Variants in PSMG4 observed in about 807,000 individuals in gnomAD.
PSMG4 encodes the protein proteasome assembly chaperone 4, also known as proteasome (prosome, macropain) assembly chaperone 4.
In PSMG4, 10 loss-of-function variants were observed where a neutral mutation model predicts 11.0. That is an observed-to-expected ratio of 0.91 (90% confidence interval 0.56 to 1.54). The LOEUF (loss-of-function observed/expected upper bound fraction) is 1.54, where lower values mean the gene tolerates loss of function less well. Ranked by LOEUF, PSMG4 falls within the 40% of genes most tolerant of loss-of-function variation. The probability of loss-of-function intolerance (pLI) is 0.00; values close to 1 mark genes in which losing one functional copy is unlikely to be tolerated. For missense variants in PSMG4, 198 were observed against 160.9 expected, an observed-to-expected ratio of 1.23 and a Z score of -1.25; for synonymous variants, 95 against 71.3, an observed-to-expected ratio of 1.33 and a Z score of -1.68.
rs534582379 is a variant in PSMG4, at chr6:3,267,558, G to A, written c.251-33G>A. ...GAACACGGGGCCTGCAGTATTTCAGGAGTGGCTGTATCAATGTGTTTTCTC... is the reference window on the plus strand; with the variant it reads ...GAACACGGGGCCTGCAGTATTTCAGAAGTGGCTGTATCAATGTGTTTTCTC... On this transcript the variant is annotated intron_variant, in intron 2 of 2. Coordinates refer to ENST00000438998, the MANE Select transcript of PSMG4 (RefSeq NM_001128591.2). 1.5e-5 allele frequency: 23 copies of A among 1,548,368 alleles called. No individual in the cohort carries two copies. The African/African-American group carries it at 1.9e-4, about 13-fold the overall frequency.
upstream of PSMG4, among the ~76,000 whole-genome samples, chr6:3,256,553 G>A (rs948520481): frequency 6.6e-6 from 1 of 152,200 alleles, no homozygotes; most frequent in Non-Finnish European, 1.5e-5. Flanking sequence ...TGGTGGTGCC[G>A]GGGACCTGGT....
intron 1 of PSMG4, among the ~76,000 whole-genome samples, chr6:3,261,075 C>T (rs983812178): frequency 2.0e-5 from 3 of 152,200 alleles, no homozygotes; most frequent in Admixed American, 6.5e-5. Flanking sequence ...GTGAGGCCCC[C>T]TCAGCGAGAC....
upstream of PSMG4, among the ~76,000 whole-genome samples, chr6:3,254,587 T>C (rs563355752): frequency 1.3e-5 from 2 of 152,300 alleles, 1 homozygote; most frequent in South Asian, 4.1e-4. Flanking sequence ...AACCCAACGA[T>C]GGAAGTAAAT....
upstream of PSMG4, among the ~76,000 whole-genome samples, chr6:3,254,727 A>G (rs966624496): frequency 1.1e-4 from 16 of 152,090 alleles, no homozygotes; most frequent in Non-Finnish European, 1.5e-5. Context: ...ACCAGAAAAA[A>G]CAAACTCCCC....
At chr6:3,256,338 C>T (rs1243632382), upstream of PSMG4, among the ~76,000 whole-genome samples, 1 of 152,224 alleles carries the variant, frequency 6.6e-6, no homozygotes, top group Non-Finnish European at 1.5e-5. Context: ...GGTCCACAGA[C>T]CCAGTGGACC....
upstream of PSMG4, among the ~76,000 whole-genome samples, chr6:3,254,740 G>C (rs558837488): frequency 6.6e-6 from 1 of 152,164 alleles, no homozygotes; most frequent in African/African-American, 2.4e-5. Flanking sequence ...AACTCCCCCT[G>C]TGCCTCTTTT....
At chr6:3,262,739 C>T (rs1167267992) in intron 1 of PSMG4, among the ~76,000 whole-genome samples, 1 of 151,922 alleles carries the variant, frequency 6.6e-6, no homozygotes, top group Non-Finnish European at 1.5e-5. Flanking sequence ...GGCTGCTTCT[C>T]CTAGAAATCT....
At position 3,259,311 on chromosome 6, in the gene PSMG4, C is replaced by T. The variant is rs934959499; in HGVS notation, c.174+115C>T. 19 of 962,392 alleles carry T rather than the reference C, an allele frequency of 2.0e-5. No homozygotes were observed. The African/African-American group carries it at 2.0e-4, about 10-fold the overall frequency. 59.6% of individuals were successfully genotyped at this position (962,392 alleles called of 1,614,324 possible). ...TGGGTCCACAGGGCGCCCTACTCCC[C>T]CGAAGCCCACCCGTGGGATGTCTTA... On this transcript the variant is annotated intron_variant, in intron 1 of 2. Coordinates refer to ENST00000438998, the MANE Select transcript of PSMG4 (RefSeq NM_001128591.2).
At chr6:3,257,020 A>G (rs1757789989), upstream of PSMG4, among the ~76,000 whole-genome samples, 1 of 152,220 alleles carries the variant, frequency 6.6e-6, no homozygotes, top group Non-Finnish European at 1.5e-5. Context: ...CTTCTGTACA[A>G]GGAGGGACAT....
chr6:3,259,931 C>G (rs370097399), intron 1 of PSMG4, among the ~76,000 whole-genome samples: 3 of 152,286 alleles, frequency 2.0e-5, no homozygotes, highest in African/African-American at 7.2e-5. Flanking sequence ...TGGCTTAAAA[C>G]AACAGAGGTT....
upstream of PSMG4, among the ~76,000 whole-genome samples, chr6:3,254,668 T>C (rs1251667706): frequency 2.0e-5 from 3 of 152,166 alleles, no homozygotes; most frequent in Non-Finnish European, 4.4e-5. Flanking sequence ...TCCTTCAAGC[T>C]GCGAAACCAC....
chr6:3,260,780 C>T (rs1757961692), intron 1 of PSMG4, among the ~76,000 whole-genome samples: 1 of 152,188 alleles, frequency 6.6e-6, no homozygotes, highest in Non-Finnish European at 1.5e-5. Flanking sequence ...ACCAGGGCAA[C>T]AGAATGATAG....
At chr6:3,265,918 C>G (rs1297215351) in intron 2 of PSMG4, 3 of 42,040 alleles carry the variant, frequency 7.1e-5, no homozygotes, top group Non-Finnish European at 1.1e-4. Context: ...CGGACACATT[C>G]CTTTTTTTTT....
At chr6:3,263,487 G>A (rs183294659) in intron 1 of PSMG4, among the ~76,000 whole-genome samples, 197 bp from the exon 2 acceptor site, 4 of 152,310 alleles carry the variant, frequency 2.6e-5, no homozygotes, top group Admixed American at 1.3e-4. Flanking sequence ...TCCCAACTCC[G>A]CTGACCTCAT....
upstream of PSMG4, chr6:3,255,090 T>G (rs562251038): frequency 1.3e-6 from 2 of 1,550,732 alleles, no homozygotes; most frequent in African/African-American, 2.7e-5. Flanking sequence ...TCCTAAGAAG[T>G]TGGCTGCATA....
upstream of PSMG4, among the ~76,000 whole-genome samples, chr6:3,256,881 T>A (rs1199672540): frequency 6.6e-6 from 1 of 152,024 alleles, no homozygotes; most frequent in Non-Finnish European, 1.5e-5. Flanking sequence ...TTTGTAGCAG[T>A]TGGGACAAGT....
Position 3,259,208 on chromosome 6 carries a change from G to GA in PSMG4, c.174+12_174+13insA. On this transcript the variant is annotated intron_variant, in intron 1 of 2. Transcript: ENST00000438998. ...TGTGCAGCCGCTACGTGAGTGCCTG[G>GA]CGGCCGAGGGTGCGGGCGGCGGGGC... is the stretch of plus-strand genomic sequence containing the variant. 8 of 1,284,726 alleles carry GA rather than the reference G, an allele frequency of 6.2e-6. No homozygotes were observed. The highest frequency in any genetic ancestry group is 7.9e-6 in the Non-Finnish European group (8 of 1,017,554). The allele number at this position is 1,284,726 out of a possible 1,614,324, so 79.6% of individuals were successfully genotyped here. A position where few individuals can be genotyped will look rare whatever the true frequency, so the allele number is the denominator to read the frequency against.
At chr6:3,265,031 G>A (rs1758128935) in intron 2 of PSMG4, 1 of 152,162 alleles carries the variant, frequency 6.6e-6, no homozygotes, top group Non-Finnish European at 1.5e-5. Context: ...GAGCTTGTCT[G>A]GCAGGCCGTG....
At chr6:3,255,134 T>G, upstream of PSMG4, 1 of 1,551,006 alleles carries the variant, frequency 6.4e-7, no homozygotes. Context: ...CACGTATTGG[T>G]CATTCTCTTT....
Sources: allele counts gnomAD v4.1 joint callset (sites outside exome capture counted in the v4.1 genomes callset), GRCh38; gene constraint gnomAD v4.1.1; transcripts MANE v1.5; gene names NCBI Gene and HGNC (gene_info 2026-07-23, HGNC 2026-07-21).